Variants in FRAS1 observed in about 807,000 individuals in gnomAD.
FRAS1 encodes the protein extracellular matrix organizing protein FRAS1.
A neutral mutation model predicts 435.2 loss-of-function variants in FRAS1; 290 were observed. The observed-to-expected ratio is 0.67, with a 90% CI of 0.61 to 0.73. FRAS1 has a LOEUF of 0.73. Ranked by LOEUF, FRAS1 falls within the 30% of genes least tolerant of loss-of-function variation. The probability of loss-of-function intolerance (pLI) is 0.00; values close to 1 mark genes in which losing one functional copy is unlikely to be tolerated. For synonymous variants in FRAS1, 1,800 were observed against 1,851.0 expected (o/e 0.97, Z 0.71); for missense variants, 4,860 against 5,001.5 (o/e 0.97, Z 0.85).
Position 78,306,323 on chromosome 4 carries a change from A to C in FRAS1, c.1535-1743A>C, listed in dbSNP as rs1357340220. Among the ~76,000 whole-genome samples, 3 of 150,300 alleles carry C rather than the reference A, an allele frequency of 2.0e-5. No homozygotes were observed. The East Asian group carries it at 5.9e-4, about 29-fold the overall frequency. On this transcript the variant is annotated intron_variant, in intron 14 of 73. Transcript: ENST00000512123. ...TTTTCCTTCATTTCAACTTTGGTGAATCTGACAATTATGCGTCTTGGAGTT... is the reference window on the plus strand; with the variant it reads ...TTTTCCTTCATTTCAACTTTGGTGACTCTGACAATTATGCGTCTTGGAGTT...
At chr4:78,513,023 G>A (rs1721086406) in intron 64 of FRAS1, among the ~76,000 whole-genome samples, 1 of 152,236 alleles carries the variant, frequency 6.6e-6, no homozygotes, top group Non-Finnish European at 1.5e-5. Flanking sequence ...CACTGTGACA[G>A]AGCAGGGGAA....
intron 58 of FRAS1, among the ~76,000 whole-genome samples, chr4:78,486,733 A>G (rs1457484059): frequency 2.0e-5 from 3 of 151,906 alleles, no homozygotes; most frequent in Middle Eastern, 3.2e-3. Context: ...CTCTTGCCTC[A>G]GTCTCCCACT....
intron 70 of FRAS1, among the ~76,000 whole-genome samples, chr4:78,533,016 G>C (rs577164226): frequency 6.6e-6 from 1 of 152,192 alleles, no homozygotes; most frequent in Non-Finnish European, 1.5e-5. Flanking sequence ...GGATTGCTGG[G>C]TCATGTAATA....
intron 23 of FRAS1, among the ~76,000 whole-genome samples, chr4:78,372,458 C>G (rs1365577134): frequency 6.6e-6 from 1 of 152,186 alleles, no homozygotes; most frequent in Non-Finnish European, 1.5e-5. Context: ...TTCTCAGCAG[C>G]CCTGCCAACA....
At chr4:78,458,442 AT>A (rs1719270748) in intron 47 of FRAS1, among the ~76,000 whole-genome samples, 1 of 152,244 alleles carries the variant, frequency 6.6e-6, no homozygotes, top group South Asian at 2.1e-4. Context: ...CTTATTAAAA[AT>A]ATTGCAGAAT....
At chr4:78,534,255 A>G (rs1017796303) in intron 70 of FRAS1, among the ~76,000 whole-genome samples, 194 bp from the exon 71 acceptor site, 1 of 152,202 alleles carries the variant, frequency 6.6e-6, no homozygotes, top group Non-Finnish European at 1.5e-5. Context: ...AAGACTAATT[A>G]TTTCTGTTCA....
intron 30 of FRAS1, 68 bp from the exon 31 acceptor site, chr4:78,407,595 G>A (rs1733149542): frequency 7.7e-7 from 1 of 1,305,182 alleles, no homozygotes; most frequent in East Asian, 2.5e-5. Flanking sequence ...ATGAGTAGTA[G>A]GAAAGGAGGT....
intron 18 of FRAS1, among the ~76,000 whole-genome samples, chr4:78,327,059 A>C (rs1267063837): frequency 6.6e-6 from 1 of 152,180 alleles, no homozygotes; most frequent in Non-Finnish European, 1.5e-5. Flanking sequence ...TCATTTAAAA[A>C]AAGAAAACAC....
At chr4:78,150,452 A>G (rs1384364897) in intron 2 of FRAS1, among the ~76,000 whole-genome samples, 1 of 152,176 alleles carries the variant, frequency 6.6e-6, no homozygotes, top group Admixed American at 6.5e-5. Context: ...TAGACAGCAT[A>G]TCTTTTCAAC....
chr4:78,539,890 A>C (rs1243882581), intron 73 of FRAS1, among the ~76,000 whole-genome samples: 1 of 152,238 alleles, frequency 6.6e-6, no homozygotes, highest in Non-Finnish European at 1.5e-5. Context: ...TTCAAGATGA[A>C]ATTTCACTTT....
At chr4:78,096,115 G>A (rs1278012857) in intron 2 of FRAS1, among the ~76,000 whole-genome samples, 1 of 152,182 alleles carries the variant, frequency 6.6e-6, no homozygotes, top group Non-Finnish European at 1.5e-5. Flanking sequence ...GGGAGAAATT[G>A]GCCAAAACAA....
chr4:78,424,410 C>T lies in FRAS1; in HGVS notation c.4701C>T (p.Phe1567=). 1 of 1,460,512 alleles carries T rather than the reference C, an allele frequency of 6.8e-7. No homozygotes were observed. The highest frequency in any genetic ancestry group is 2.5e-5 in the Admixed American group (1 of 39,258). 90.5% of individuals were successfully genotyped at this position (1,460,512 alleles called of 1,614,324 possible). The stretch of plus-strand genomic sequence containing the variant: ...TAGGTCTCCCAGAATCAGTGAAATT[C>T]CACTTCACAGGTAAAGATTCATCTA... ...SFAGLPESVK[F]HFTVSDGEHT... Residue 1567 remains phenylalanine (F), a synonymous_variant, in exon 35 of 74, where the codon TTC becomes TTT. Transcript: ENST00000512123.
chr4:78,105,791 G>A (rs544480958), intron 2 of FRAS1, among the ~76,000 whole-genome samples: 17 of 151,942 alleles, frequency 1.1e-4, no homozygotes, highest in African/African-American at 4.1e-4. Context: ...CTCCCAGCGT[G>A]AGCGACGCAG....
intron 2 of FRAS1, among the ~76,000 whole-genome samples, chr4:78,142,931 T>G (rs1720255844): frequency 6.6e-6 from 1 of 151,448 alleles, no homozygotes; most frequent in Admixed American, 6.6e-5. Flanking sequence ...TAGTGATAAA[T>G]CCAAAATAAG....
In FRAS1 at chr4:78,511,383, T is replaced by C. The variant is rs1239208691; in HGVS notation, c.9890T>C (p.Ile3297Thr). 7.4e-6 allele frequency: 12 copies of C among 1,613,814 alleles called. No individual in the cohort carries two copies. The highest frequency in any genetic ancestry group is 6.8e-6 in the Non-Finnish European group (8 of 1,179,864). The part of the protein sequence containing the change: ...GTPLRSNIVT[I>T]GTDSAICHTP... ...CCCTTAAGGAGCAACATTGTTACCA[T>C]TGGAACAGACAGTGCTATCTGCCAC... The change falls in exon 64 of 74, where the codon ATT becomes ACT. Residue 3297 changes from isoleucine to threonine, a missense_variant. Ile to Thr is a moderately conservative substitution (Grantham distance 89, BLOSUM62 -1). Coordinates refer to ENST00000512123, the MANE Select transcript of FRAS1 (RefSeq NM_025074.7).
At chr4:78,117,663 A>G (rs1284103178) in intron 2 of FRAS1, among the ~76,000 whole-genome samples, 3 of 152,080 alleles carry the variant, frequency 2.0e-5, no homozygotes, top group African/African-American at 7.2e-5. Context: ...TTCTCGTGCC[A>G]TGGTTTTCAG....
chr4:78,433,015 G>A (rs1432651204), intron 38 of FRAS1, among the ~76,000 whole-genome samples: 1 of 152,212 alleles, frequency 6.6e-6, no homozygotes. Flanking sequence ...AAGCCCACTT[G>A]TCATCAGTTT....
chr4:78,466,305 C>T lies in FRAS1; in HGVS notation c.7127C>T (p.Thr2376Ile). 1.9e-6 allele frequency: 3 copies of T among 1,613,836 alleles called. No individual in the cohort carries two copies. The highest frequency in any genetic ancestry group is 2.5e-6 in the Non-Finnish European group (3 of 1,179,756). Reference sequence around the variant, plus strand: ...CATTTCCACCTCACCTCCACCTTCACCATGAAAGATATCTACCAGAACCGG... The same window carrying T: ...CATTTCCACCTCACCTCCACCTTCATCATGAAAGATATCTACCAGAACCGG... ...GQHFHLTSTF[T>I]MKDIYQNRVS... The change falls in exon 50 of 74, where the codon ACC (threonine) becomes ATC (isoleucine). Residue 2376 changes from threonine (T) to isoleucine (I), a missense_variant. Thr to Ile is a moderately conservative substitution (Grantham distance 89). Coordinates refer to ENST00000512123, the MANE Select transcript of FRAS1 (RefSeq NM_025074.7).
Position 78,489,055 on chromosome 4 carries a change from G to A in FRAS1, c.8933G>A (p.Arg2978Gln), listed in dbSNP as rs773491364. Reference sequence around the variant, plus strand: ...GAGAGACAAAATGCAGACTCTTCACGGATTACATTTCTCAAAGGGGACAAA... The same window carrying A: ...GAGAGACAAAATGCAGACTCTTCACAGATTACATTTCTCAAAGGGGACAAA... Reference protein sequence around the residue: ...FEERQNADSSRITFLKGDKVK... With the variant: ...FEERQNADSSQITFLKGDKVK... Residue 2978 changes from arginine to glutamine, a missense_variant, in exon 59 of 74, where the codon CGG becomes CAG. By Grantham distance (43) the Arg-to-Gln change is conservative. Coordinates refer to ENST00000512123, the MANE Select transcript of FRAS1 (RefSeq NM_025074.7). The A allele has an allele frequency of 1.3e-5, 21 of 1,613,014 alleles. No homozygotes were observed. In the Admixed American group the frequency reaches 3.0e-4, roughly 23 times the overall value.
Sources: gnomAD v4.1 joint callset for allele counts (sites outside exome capture counted in the v4.1 genomes callset) on GRCh38, gnomAD v4.1.1 for gene constraint, MANE v1.5 for transcripts, NCBI Gene and HGNC (gene_info 2026-07-23, HGNC 2026-07-21) for gene names.